The following DERA variants were observed in gnomAD, a reference collection of about 807,000 sequenced individuals.
DERA encodes the protein deoxyribose-phosphate aldolase.
In DERA, 15 loss-of-function variants were observed where a neutral mutation model predicts 41.1. The observed-to-expected ratio is 0.37, with a 90% CI of 0.24 to 0.56. The LOEUF (loss-of-function observed/expected upper bound fraction) is 0.56, where lower values mean the gene tolerates loss of function less well. DERA is among the 20% of genes least tolerant of loss of function. DERA has a pLI of 0.81. For missense variants in DERA, 396 were observed against 403.4 expected (o/e 0.98, Z 0.16); for synonymous variants, 139 against 137.4 (o/e 1.01, Z -0.08).
rs1331010282 is a variant in DERA at position 15,913,188 on chromosome 12, C to T, written c.31+1774C>T. 6.6e-6 allele frequency among the ~76,000 whole-genome samples: 1 copy of T among 152,228 alleles called. No individual in the cohort carries two copies. On this transcript the variant is annotated intron_variant, in intron 1 of 8. Transcript: ENST00000428559. This position sits in a 1 kb window ranked among gnomAD's most constrained non-coding sequence, Gnocchi z 4.5. ...TATTTGCAGTAATTAGAATCAATCA[C>T]TTCCATTCATTTGTTGAAAAGTAAT...
chr12:16,027,295 A>C (rs1390436335), intron 6 of DERA, among the ~76,000 whole-genome samples: 1 of 152,208 alleles, frequency 6.6e-6, no homozygotes, highest in African/African-American at 2.4e-5. Context: ...CTAGCTAGAC[A>C]AGGAAAGGAA....
intron 1 of DERA, among the ~76,000 whole-genome samples, chr12:15,939,255 G>C (rs1179890103): frequency 2.0e-5 from 3 of 152,150 alleles, no homozygotes; most frequent in African/African-American, 7.2e-5. Context: ...GCATTTCCCA[G>C]TCCCAGCCAC....
Position 15,988,057 on chromosome 12 carries a change from C to T in DERA, c.637+5621C>T, listed in dbSNP as rs946388321. 6.6e-6 allele frequency among the ~76,000 whole-genome samples: 1 copy of T among 152,198 alleles called. No individual in the cohort carries two copies. Among genetic ancestry groups the T allele is most frequent in the African/African-American group, 2.4e-5 (1 of 41,452 alleles). On this transcript the variant is annotated intron_variant, in intron 6 of 8. Coordinates refer to ENST00000428559, the MANE Select transcript of DERA (RefSeq NM_015954.4). This position sits in a 1 kb window ranked among gnomAD's most constrained non-coding sequence, Gnocchi z 6.0. ...CAGCTTCTGCTGTGGGCACCAGCAT[C>T]TGGACAAGGGGAACACATGGTGCCC...
At chr12:15,927,223 T>C (rs539819563) in intron 1 of DERA, among the ~76,000 whole-genome samples, 10 of 152,304 alleles carry the variant, frequency 6.6e-5, no homozygotes, top group Admixed American at 3.3e-4. Context: ...ATGCTAGGCT[T>C]TTCTAGGTCC....
intron 1 of DERA, among the ~76,000 whole-genome samples, chr12:15,923,244 G>A (rs1020061059): frequency 6.6e-6 from 1 of 151,382 alleles, no homozygotes; most frequent in East Asian, 1.9e-4. Flanking sequence ...GGATGGTCTC[G>A]ATCTCCTGAC....
chr12:15,952,042 A>G (rs1431150617), intron 1 of DERA, among the ~76,000 whole-genome samples: 1 of 152,002 alleles, frequency 6.6e-6, no homozygotes, highest in Non-Finnish European at 1.5e-5. Context: ...CTGAGACTAC[A>G]GGCTTGCACC....
rs1222142045 is a variant in DERA at position 15,936,948 on chromosome 12, G to A, written c.32-19988G>A. ...GTCCTGTCCTGTCTTGTCCTGTCCC[G>A]TCCTGTCCTGCCCTGCCCTGCCCTG... On this transcript the variant is annotated intron_variant, in intron 1 of 8. Coordinates refer to ENST00000428559, the MANE Select transcript of DERA (RefSeq NM_015954.4). The surrounding 1 kb of genome is among the most constrained non-coding windows in gnomAD (Gnocchi z 4.6). 2.1e-5 allele frequency among the ~76,000 whole-genome samples: 3 copies of A among 145,714 alleles called. No individual in the cohort carries two copies. The highest frequency in any genetic ancestry group is 1.9e-4 in the East Asian group (1 of 5,146).
At chr12:16,027,794 C>G (rs1422515885) in intron 6 of DERA, among the ~76,000 whole-genome samples, 1 of 152,168 alleles carries the variant, frequency 6.6e-6, no homozygotes, top group Non-Finnish European at 1.5e-5. Context: ...AGATATAAAA[C>G]TGTCTTTGTT....
rs1592044095 is a variant in DERA, at chr12:16,001,089, T to G, written c.637+18653T>G. 1.3e-5 allele frequency among the ~76,000 whole-genome samples: 2 copies of G among 152,188 alleles called. No homozygotes were observed. Among genetic ancestry groups the G allele is most frequent in the South Asian group, 4.1e-4 (2 of 4,820 alleles). On this transcript the variant is annotated intron_variant, in intron 6 of 8. Coordinates refer to ENST00000428559, the MANE Select transcript of DERA (RefSeq NM_015954.4). The surrounding 1 kb of genome is among the most constrained non-coding windows in gnomAD (Gnocchi z 4.1). ...GTTATTTTTGAAGTACATCTATCAT[T>G]TTCATTTTCTGTCCATAAACGCATA...
intron 6 of DERA, among the ~76,000 whole-genome samples, chr12:16,023,349 C>T (rs552899990): frequency 6.6e-6 from 1 of 152,238 alleles, no homozygotes; most frequent in South Asian, 2.1e-4. Context: ...CAACTCCTTG[C>T]CCGATTAACA....
At chr12:16,032,480 G>C (rs1949098947) in intron 6 of DERA, 62 bp from the exon 7 acceptor site, 1 of 940,378 alleles carries the variant, frequency 1.1e-6, no homozygotes, top group African/African-American at 1.7e-5. Flanking sequence ...TTCTCCCACT[G>C]ACTCAAAAGT....
chr12:15,973,448 C>CT (rs1390789339), intron 5 of DERA, among the ~76,000 whole-genome samples: 2 of 34,480 alleles, frequency 5.8e-5, no homozygotes, highest in African/African-American at 1.9e-4. Flanking sequence ...GCAAGAATTG[C>CT]TTTTTTTATA....
At chr12:15,977,972 G>T (rs1196665040) in intron 5 of DERA, among the ~76,000 whole-genome samples, 4 of 152,156 alleles carry the variant, frequency 2.6e-5, no homozygotes, top group African/African-American at 7.2e-5. Context: ...TTTCCTCTGT[G>T]TATGTGGTCT....
In DERA at chr12:15,967,500, C is replaced by G. The variant is rs149668723; in HGVS notation, c.508+4553C>G. On this transcript the variant is annotated intron_variant, in intron 5 of 8. Coordinates refer to ENST00000428559, the MANE Select transcript of DERA (RefSeq NM_015954.4). The surrounding 1 kb of genome is among the most constrained non-coding windows in gnomAD (Gnocchi z 4.9). ...CTTTCTTAACAATTTTTATTAAATACAATTTAATTTTTTCTTGATTATTCC... is the reference window on the plus strand; with the variant it reads ...CTTTCTTAACAATTTTTATTAAATAGAATTTAATTTTTTCTTGATTATTCC... Among the ~76,000 whole-genome samples, 103 of 152,204 alleles carry G rather than the reference C, an allele frequency of 6.8e-4. No homozygotes were observed. Among genetic ancestry groups the G allele is most frequent in the Non-Finnish European group, 1.3e-3 (89 of 68,010 alleles).
rs537360692 is a variant in DERA at position 16,000,795 on chromosome 12, A to G, written c.637+18359A>G. Among the ~76,000 whole-genome samples the G allele has an allele frequency of 6.6e-6, 1 of 152,332 alleles. No individual in the cohort carries two copies. The highest frequency in any genetic ancestry group is 2.1e-4 in the South Asian group (1 of 4,828). Reference sequence around the variant, plus strand: ...TTATTTTTTAATAAAAAGAAAAAGCATATATGTTACCTCAGAGTCTGTAAT... The same window carrying G: ...TTATTTTTTAATAAAAAGAAAAAGCGTATATGTTACCTCAGAGTCTGTAAT... On this transcript the variant is annotated intron_variant, in intron 6 of 8. Coordinates refer to ENST00000428559, the MANE Select transcript of DERA (RefSeq NM_015954.4). This position sits in a 1 kb window ranked among gnomAD's most constrained non-coding sequence, Gnocchi z 4.8.
Position 15,915,334 on chromosome 12 carries a change from A to G in DERA, c.31+3920A>G, listed in dbSNP as rs1229734843. On this transcript the variant is annotated intron_variant, in intron 1 of 8. Coordinates refer to ENST00000428559, the MANE Select transcript of DERA (RefSeq NM_015954.4). This position sits in a 1 kb window ranked among gnomAD's most constrained non-coding sequence, Gnocchi z 4.8. ...GAACCTATGAATTAGGGATTTAGGGAGCTCATTTTTGGCATTCCTGCTAAA... is the reference window on the plus strand; with the variant it reads ...GAACCTATGAATTAGGGATTTAGGGGGCTCATTTTTGGCATTCCTGCTAAA... Among the ~76,000 whole-genome samples, 3 of 152,242 alleles carry G rather than the reference A, an allele frequency of 2.0e-5. No individual in the cohort carries two copies. The highest frequency in any genetic ancestry group is 7.2e-5 in the African/African-American group (3 of 41,542).
Position 15,988,928 on chromosome 12 carries a change from G to A in DERA, c.637+6492G>A, listed in dbSNP as rs752019243. ...GGCGGTGGGAGGCTGGCGTGTCAGCGCTGCCCTGAATGTGTGCACACTCAG... is the reference window on the plus strand; with the variant it reads ...GGCGGTGGGAGGCTGGCGTGTCAGCACTGCCCTGAATGTGTGCACACTCAG... On this transcript the variant is annotated intron_variant, in intron 6 of 8. Transcript: ENST00000428559. The surrounding 1 kb of genome is among the most constrained non-coding windows in gnomAD (Gnocchi z 6.0). 2.0e-5 allele frequency among the ~76,000 whole-genome samples: 3 copies of A among 152,214 alleles called. No homozygotes were observed. The highest frequency in any genetic ancestry group is 4.4e-5 in the Non-Finnish European group (3 of 68,040).
rs68021628 is a variant in DERA at position 15,921,926 on chromosome 12, GATAATA to G, written c.31+10526_31+10531del. 6.6e-6 allele frequency among the ~76,000 whole-genome samples: 1 copy of G among 151,146 alleles called. No homozygotes were observed. The highest frequency in any genetic ancestry group is 2.4e-5 in the African/African-American group (1 of 41,124). On this transcript the variant is annotated intron_variant, in intron 1 of 8. Coordinates refer to ENST00000428559, the MANE Select transcript of DERA (RefSeq NM_015954.4). This position sits in a 1 kb window ranked among gnomAD's most constrained non-coding sequence, Gnocchi z 5.3. The stretch of plus-strand genomic sequence containing the variant: ...GGGTGACGAGCAAAACTCCATCTCA[GATAATA>G]ATAATAATAATAAATAATTTTCCAA...
chr12:15,974,507 CT>C (rs1396908335), intron 5 of DERA, among the ~76,000 whole-genome samples: 1 of 152,168 alleles, frequency 6.6e-6, no homozygotes, highest in African/African-American at 2.4e-5. Context: ...TACCACAGAA[CT>C]TTTGCTCCGT....
Sources: allele counts gnomAD v4.1 joint callset (sites outside exome capture counted in the v4.1 genomes callset), GRCh38; gene constraint gnomAD v4.1.1; non-coding constraint Gnocchi (gnomAD v3.1); transcripts MANE v1.5; gene names NCBI Gene and HGNC (gene_info 2026-07-23, HGNC 2026-07-21).